USO1: variants seen among roughly 807,000 people sequenced by gnomAD.
USO1 encodes general vesicular transport factor p115.
Under a neutral mutation model 124.5 loss-of-function variants are expected in USO1, and 57 were observed. That is an observed-to-expected ratio of 0.46 (90% confidence interval 0.37 to 0.57). The LOEUF (loss-of-function observed/expected upper bound fraction) is 0.57. USO1 is among the 20% of genes least tolerant of loss of function. The probability of loss-of-function intolerance (pLI) is 0.00; values close to 1 mark genes in which losing one functional copy is unlikely to be tolerated. For synonymous variants in USO1, 369 were observed against 362.8 expected, an observed-to-expected ratio of 1.02 and a Z score of -0.19; for missense variants, 900 against 1,040.6, an observed-to-expected ratio of 0.86 and a Z score of 1.86.
chr4:75,748,972 G>C (rs1349373084), intron 1 of USO1, among the ~76,000 whole-genome samples: 1 of 151,552 alleles, frequency 6.6e-6, no homozygotes. Context: ...ACATATATGT[G>C]TATATATATG....
intron 7 of USO1, 47 bp from the exon 8 acceptor site, chr4:75,774,629 T>C (rs1370692136): frequency 2.6e-6 from 4 of 1,540,142 alleles, no homozygotes; most frequent in Non-Finnish European, 3.5e-6. Context: ...TTTAAAAATG[T>C]CTCATAAATT....
intron 12 of USO1, among the ~76,000 whole-genome samples, chr4:75,792,604 C>T (rs1203900585): frequency 6.6e-6 from 1 of 151,686 alleles, no homozygotes; most frequent in African/African-American, 2.4e-5. Context: ...GGCTGAGGTG[C>T]GAGAATCACC....
Position 75,806,531 on chromosome 4 carries a change from G to A in USO1, c.2335G>A (p.Val779Ile). ...CACAAATGAACAGTCTTCAGCAATA[G>A]TTTCAGCTAGAGATTCTGAACAAGT... Reference protein sequence around the residue: ...SGTNEQSSAIVSARDSEQVAE... With the variant: ...SGTNEQSSAIISARDSEQVAE... Residue 779 changes from valine to isoleucine, a missense_variant, in exon 20 of 24, where the codon GTT (valine) becomes ATT (isoleucine). By Grantham distance (29) the Val-to-Ile change is conservative. Transcript: ENST00000514213. The A allele has an allele frequency of 1.3e-6, 2 of 1,561,826 alleles. No individual in the cohort carries two copies. The highest frequency in any genetic ancestry group is 2.4e-5 in the East Asian group (1 of 42,386).
chr4:75,757,571 T>G lies in USO1; in HGVS notation c.293T>G (p.Val98Gly), dbSNP rs1217317285. The change falls in exon 4 of 24, where the codon GTA becomes GGA. Residue 98 changes from valine to glycine, a missense_variant and splice_region_variant. Around this residue, in one of 2 missense-constraint regions of USO1, gnomAD observed 538 missense variants for 681.6 expected, o/e 0.79. Transcript: ENST00000514213. ...NIISNEEEEE[V>G]EENSTRQSED... is the part of the protein sequence containing the mutation. The stretch of plus-strand genomic sequence containing the variant: ...ATATCTAATGAAGAAGAAGAAGAAG[T>G]AGGTAAGTTTCCAGTTATTTTTACT... 1 of 1,484,206 alleles carries G rather than the reference T, an allele frequency of 6.7e-7. No individual in the cohort carries two copies. The highest frequency in any genetic ancestry group is 1.4e-5 in the African/African-American group (1 of 69,078). The allele number at this position is 1,484,206 out of a possible 1,614,324, so 91.9% of individuals were successfully genotyped here. A position where few individuals can be genotyped will look rare whatever the true frequency, so the allele number is the denominator to read the frequency against.
At chr4:75,808,858 G>A in intron 20 of USO1, 95 bp from the exon 21 acceptor site, 1 of 1,370,434 alleles carries the variant, frequency 7.3e-7, no homozygotes, top group South Asian at 1.4e-5. Flanking sequence ...AAAGTAGGAG[G>A]TTGTAAATCA....
Position 75,801,216 on chromosome 4 carries a change from C to CT in USO1, c.1986+17dup, listed in dbSNP as rs1560460344. 2 of 1,579,264 alleles carry CT rather than the reference C, an allele frequency of 1.3e-6. No homozygotes were observed. Among genetic ancestry groups the CT allele is most frequent in the Admixed American group, 1.9e-5 (1 of 51,894 alleles). ...TCGAGAGCAGGTAAGTACTAATGAA[C>CT]TGTATATACCCTCTGATTACCAATA... On this transcript the variant is annotated intron_variant, in intron 17 of 23. Coordinates refer to ENST00000514213, the MANE Select transcript of USO1 (RefSeq NM_003715.4).
chr4:75,728,983 A>T (rs1455497176), intron 1 of USO1, among the ~76,000 whole-genome samples: 2 of 151,938 alleles, frequency 1.3e-5, no homozygotes, highest in African/African-American at 4.8e-5. Flanking sequence ...TTTTTAGTGG[A>T]GATGGGGTTT....
At chr4:75,749,796 A>G (rs1408711340) in intron 1 of USO1, among the ~76,000 whole-genome samples, 2 of 145,108 alleles carry the variant, frequency 1.4e-5, no homozygotes, top group African/African-American at 5.2e-5. Flanking sequence ...ACTGTCGCCC[A>G]GGCTGGAGTG....
intron 20 of USO1, among the ~76,000 whole-genome samples, chr4:75,807,774 A>C (rs2149194917): frequency 6.6e-6 from 1 of 152,304 alleles, no homozygotes; most frequent in South Asian, 2.1e-4. Context: ...AAAATAAGCC[A>C]TTTAATTATC....
In USO1 at chr4:75,790,178, G is replaced by A. The variant is rs759214183; in HGVS notation, c.1025G>A (p.Arg342Gln). Residue 342 changes from arginine to glutamine, a missense_variant, in exon 11 of 24, where the codon CGA becomes CAA. By Grantham distance (43) the Arg-to-Gln change is conservative. Coordinates refer to ENST00000514213, the MANE Select transcript of USO1 (RefSeq NM_003715.4). ...ETINTVSEVIRGCQVNQDYFA... is the reference protein window; with the variant it reads ...ETINTVSEVIQGCQVNQDYFA... ...ATAAATACTGTATCAGAAGTTATTC[G>A]AGGCTGCCAAGTAAACCAAGACTAC... The A allele has an allele frequency of 2.5e-6, 4 of 1,603,192 alleles. No homozygotes were observed. Among genetic ancestry groups the A allele is most frequent in the South Asian group, 1.1e-5 (1 of 88,758 alleles).
At chr4:75,780,228 C>T (rs1391502462) in intron 8 of USO1, among the ~76,000 whole-genome samples, 6 of 152,258 alleles carry the variant, frequency 3.9e-5, no homozygotes, top group Admixed American at 3.3e-4. Flanking sequence ...TGCACCTGAT[C>T]ACGCAAGAGC....
intron 19 of USO1, 99 bp downstream of exon 19, chr4:75,805,402 A>T: frequency 7.0e-7 from 1 of 1,419,600 alleles, no homozygotes; most frequent in African/African-American, 1.5e-5. Flanking sequence ...CCAGAATATC[A>T]TATGTTAAGA....
At chr4:75,791,625 G>A (rs1309994181) in intron 12 of USO1, among the ~76,000 whole-genome samples, 1 of 151,960 alleles carries the variant, frequency 6.6e-6, no homozygotes, top group East Asian at 1.9e-4. Context: ...CCCTTTTTAT[G>A]GGGTCTTTAA....
intron 19 of USO1, 120 bp from the exon 20 acceptor site, chr4:75,806,366 G>C: frequency 8.2e-7 from 1 of 1,219,080 alleles, no homozygotes; most frequent in South Asian, 1.5e-5. Context: ...AAAATTAAAA[G>C]GTTGGTGTGA....
intron 10 of USO1, among the ~76,000 whole-genome samples, chr4:75,788,764 C>T (rs551057236): frequency 2.6e-5 from 4 of 151,816 alleles, no homozygotes; most frequent in African/African-American, 9.7e-5. Flanking sequence ...GGCTCTTGAC[C>T]TCAAGTGATC....
At chr4:75,747,645 T>C (rs2149149920) in intron 1 of USO1, among the ~76,000 whole-genome samples, 1 of 145,220 alleles carries the variant, frequency 6.9e-6, no homozygotes, top group African/African-American at 2.6e-5. Flanking sequence ...AGTCTCGCTC[T>C]GTGGCCCAGG....
Position 75,804,137 on chromosome 4 carries a change from C to T in USO1, c.1990C>T (p.Leu664Phe). Residue 664 changes from leucine to phenylalanine, a missense_variant, in exon 18 of 24, where the codon CTC becomes TTC. Around this residue, in one of 2 missense-constraint regions of USO1, gnomAD observed 362 missense variants for 359.0 expected, o/e 1.01. Transcript: ENST00000514213. Reference sequence around the variant, plus strand: ...TGAATTATGTTTTGTTTCACAGGATCTCCAACTTGAGGAATTAAGGCAGCA... The same window carrying T: ...TGAATTATGTTTTGTTTCACAGGATTTCCAACTTGAGGAATTAAGGCAGCA... ...HYKNMIREQDLQLEELRQQVS... is the reference protein window; with the variant it reads ...HYKNMIREQDFQLEELRQQVS... The T allele has an allele frequency of 6.2e-7, 1 of 1,612,618 alleles. No individual in the cohort carries two copies. Among genetic ancestry groups the T allele is most frequent in the Non-Finnish European group, 8.5e-7 (1 of 1,179,358 alleles).
intron 8 of USO1, among the ~76,000 whole-genome samples, chr4:75,775,329 A>G (rs114485481): frequency 0.017 from 2,554 of 152,284 alleles, 27 homozygotes; most frequent in Non-Finnish European, 0.023. Context: ...ACTTTAGGCC[A>G]GGAGTTCGAG....
intron 1 of USO1, among the ~76,000 whole-genome samples, chr4:75,731,809 T>C (rs1056796508): frequency 1.3e-5 from 2 of 152,202 alleles, no homozygotes; most frequent in Non-Finnish European, 2.9e-5. Flanking sequence ...TTAATTGCCA[T>C]TCCTGTTCTT....
Sources: allele counts gnomAD v4.1 joint callset (sites outside exome capture counted in the v4.1 genomes callset), GRCh38; gene constraint gnomAD v4.1.1; regional missense constraint gnomAD v4.1.1; transcripts MANE v1.5; gene names NCBI Gene and HGNC (gene_info 2026-07-23, HGNC 2026-07-21).